Variants in RASAL2 observed in about 807,000 individuals in gnomAD.
RASAL2 encodes ras GTPase-activating protein nGAP.
In RASAL2, 58 loss-of-function variants were observed where a neutral mutation model predicts 128.9. The observed-to-expected ratio is 0.45, with a 90% CI of 0.36 to 0.56. RASAL2 has a LOEUF of 0.56. Ranked by LOEUF, RASAL2 falls within the 20% of genes least tolerant of loss-of-function variation. The probability of loss-of-function intolerance (pLI) is 0.00; values close to 1 mark genes in which losing one functional copy is unlikely to be tolerated. For missense variants in RASAL2, 1,360 were observed against 1,601.6 expected, an observed-to-expected ratio of 0.85 and a Z score of 2.57; for synonymous variants, 561 against 580.8, an observed-to-expected ratio of 0.97 and a Z score of 0.49.
chr1:178,297,147 A>C (rs1244159834), intron 2 of RASAL2, among the ~76,000 whole-genome samples: 1 of 152,178 alleles, frequency 6.6e-6, no homozygotes, highest in Non-Finnish European at 1.5e-5. Flanking sequence ...AACTAGTAAA[A>C]TAAATTACGA....
intron 1 of RASAL2, among the ~76,000 whole-genome samples, chr1:178,151,082 T>C (rs1660898706): frequency 6.6e-6 from 1 of 152,262 alleles, no homozygotes; most frequent in African/African-American, 2.4e-5. Context: ...ATGAGTTCAA[T>C]GTTAATGAAT....
intron 1 of RASAL2, among the ~76,000 whole-genome samples, chr1:178,269,213 A>G (rs114000452): frequency 9.6e-4 from 147 of 152,366 alleles, no homozygotes; most frequent in African/African-American, 3.4e-3. Context: ...CTGTAAGCCA[A>G]GAAAGAGCCC....
chr1:178,284,940 CTG>C (rs1189881152), intron 2 of RASAL2, among the ~76,000 whole-genome samples: 4 of 152,040 alleles, frequency 2.6e-5, no homozygotes, highest in Non-Finnish European at 5.9e-5. Context: ...TAATTCTCCT[CTG>C]TGGATCCCTA....
In RASAL2 at chr1:178,442,723, G is replaced by T. The variant is rs778776376; in HGVS notation, c.976G>T (p.Ala326Ser). The change falls in exon 8 of 18, where the codon GCC (alanine) becomes TCC (serine). Residue 326 changes from alanine (A) to serine (S), a missense_variant. Coordinates refer to ENST00000367649, the MANE Select transcript of RASAL2 (RefSeq NM_170692.4). ...TGTTCTTCGTTTATGGATCATTGAAGCCAAGGACCTTGCCCCTAAAAAGAA... is the reference window on the plus strand; with the variant it reads ...TGTTCTTCGTTTATGGATCATTGAATCCAAGGACCTTGCCCCTAAAAAGAA... ...ENVLRLWIIE[A>S]KDLAPKKKYF... 3.7e-6 allele frequency: 6 copies of T among 1,613,596 alleles called. No homozygotes were observed. Among genetic ancestry groups the T allele is most frequent in the Non-Finnish European group, 4.2e-6 (5 of 1,179,804 alleles).
chr1:178,154,074 G>T (rs1028010371), intron 1 of RASAL2, among the ~76,000 whole-genome samples: 3 of 151,936 alleles, frequency 2.0e-5, no homozygotes, highest in African/African-American at 7.3e-5. Context: ...GACCTCAGGT[G>T]ATCCACCTGC....
intron 2 of RASAL2, 22 bp from the exon 3 acceptor site, chr1:178,299,970 T>C: frequency 6.2e-7 from 1 of 1,609,480 alleles, no homozygotes; most frequent in South Asian, 1.1e-5. Context: ...TTAAGTTTTA[T>C]CTTTTGCTTT....
intron 1 of RASAL2, among the ~76,000 whole-genome samples, chr1:178,234,908 A>G (rs1205902516): frequency 6.6e-6 from 1 of 152,212 alleles, no homozygotes; most frequent in Non-Finnish European, 1.5e-5. Flanking sequence ...TGAAAACTGA[A>G]GTAATTTTCC....
intron 11 of RASAL2, among the ~76,000 whole-genome samples, chr1:178,453,165 C>G (rs972375244): frequency 6.6e-6 from 1 of 151,892 alleles, no homozygotes; most frequent in Non-Finnish European, 1.5e-5. Context: ...AGATTAAATG[C>G]AATACTTGAA....
chr1:178,133,550 G>A (rs1660200628), intron 1 of RASAL2, among the ~76,000 whole-genome samples: 1 of 151,828 alleles, frequency 6.6e-6, no homozygotes, highest in African/African-American at 2.4e-5. Flanking sequence ...TGGTGGCAGG[G>A]AAGTAATGTA....
intron 2 of RASAL2, among the ~76,000 whole-genome samples, chr1:178,299,027 TA>T: frequency 6.6e-6 from 1 of 152,292 alleles, no homozygotes; most frequent in African/African-American, 2.4e-5. Flanking sequence ...GATTTTTTTT[TA>T]CTATTCATAG....
chr1:178,466,099 C>A lies in RASAL2; in HGVS notation c.3567C>A (p.Ser1189Arg), dbSNP rs199619582. 2 of 1,569,092 alleles carry A rather than the reference C, an allele frequency of 1.3e-6. No individual in the cohort carries two copies. The highest frequency in any genetic ancestry group is 1.7e-6 in the Non-Finnish European group (2 of 1,156,026). The change falls in exon 16 of 18, where the codon AGC (serine) becomes AGA (arginine). Residue 1189 changes from serine (S) to arginine (R), a missense_variant. Physicochemically the swap from Ser to Arg is moderately radical, Grantham distance 110 (BLOSUM62 -1). Coordinates refer to ENST00000367649, the MANE Select transcript of RASAL2 (RefSeq NM_170692.4). ...GAAGACAGCAGGAAGAAAAAGATAG[C>A]CAGATGAAAAGCATCATCAGCAGGT... ...RLRRQQEEKD[S>R]QMKSIISRLM...
intron 3 of RASAL2, among the ~76,000 whole-genome samples, chr1:178,325,958 G>A (rs1025648493): frequency 6.6e-6 from 1 of 152,074 alleles, no homozygotes; most frequent in African/African-American, 2.4e-5. Flanking sequence ...AGGCATGTTG[G>A]TGTGTGCCTG....
chr1:178,385,401 C>T (rs140220549), intron 3 of RASAL2, among the ~76,000 whole-genome samples: 2 of 152,194 alleles, frequency 1.3e-5, no homozygotes, highest in East Asian at 3.9e-4. Flanking sequence ...CATACCACTG[C>T]ACTCCAGCCT....
At chr1:178,127,151 A>T (rs1018728376) in intron 1 of RASAL2, among the ~76,000 whole-genome samples, 2 of 152,174 alleles carry the variant, frequency 1.3e-5, no homozygotes, top group African/African-American at 4.8e-5. Context: ...GTGTCACAGT[A>T]TAGTGGCTTG....
At chr1:178,244,205 C>T (rs1458401700) in intron 1 of RASAL2, among the ~76,000 whole-genome samples, 2 of 152,018 alleles carry the variant, frequency 1.3e-5, no homozygotes, top group Non-Finnish European at 2.9e-5. Flanking sequence ...GGGGTCAGTT[C>T]ACTAAGGAAT....
intron 1 of RASAL2, among the ~76,000 whole-genome samples, chr1:178,185,080 G>T (rs1305503197): frequency 6.6e-6 from 1 of 150,528 alleles, no homozygotes. Flanking sequence ...TTGTATGTGT[G>T]GGGATGCCAT....
At chr1:178,161,922 GTTAT>G (rs1661314662) in intron 1 of RASAL2, among the ~76,000 whole-genome samples, 2 of 151,544 alleles carry the variant, frequency 1.3e-5, no homozygotes, top group South Asian at 2.1e-4. Context: ...TTTAAATTGG[GTTAT>G]TTGTCTTTTG....
intron 3 of RASAL2, among the ~76,000 whole-genome samples, chr1:178,340,976 C>T (rs1464038504): frequency 1.3e-5 from 2 of 152,092 alleles, no homozygotes; most frequent in African/African-American, 4.8e-5. Context: ...TGTTCCTTTT[C>T]TAAATTTTAG....
chr1:178,272,576 T>G (rs1186576838), intron 1 of RASAL2, among the ~76,000 whole-genome samples: 1 of 152,188 alleles, frequency 6.6e-6, no homozygotes, highest in Non-Finnish European at 1.5e-5. Context: ...TTCCTTGGTA[T>G]TTGAACTCTC....
Sources: allele counts gnomAD v4.1 joint callset (sites outside exome capture counted in the v4.1 genomes callset), GRCh38; gene constraint gnomAD v4.1.1; transcripts MANE v1.5; gene names NCBI Gene and HGNC (gene_info 2026-07-23, HGNC 2026-07-21).